The following WHR1 variants were observed in gnomAD, a reference collection of about 807,000 sequenced individuals.
WHR1 encodes the protein MHC class III HLA-RP1.
At chr6:31,971,915 A>G in the WHR1 span, 2 of 1,531,534 alleles carry the variant, frequency 1.3e-6, no homozygotes, top group Non-Finnish European at 1.8e-6. This position sits in a 1 kb window ranked among gnomAD's most constrained non-coding sequence, Gnocchi z 4.5. Flanking sequence ...CGCTCAGATC[A>G]AGAATCCAGT....
chr6:31,975,467 C>T, the WHR1 span, among the ~76,000 whole-genome samples: 3 of 151,952 alleles, frequency 2.0e-5, no homozygotes, highest in African/African-American at 7.3e-5. Flanking sequence ...TCCCAAAGTG[C>T]TGGGATTACA....
chr6:31,973,605 G>A, the WHR1 span, among the ~76,000 whole-genome samples: 1 of 152,160 alleles, frequency 6.6e-6, no homozygotes. Flanking sequence ...TATACATAGG[G>A]TGTATGTATA....
At chr6:31,981,091 G>T in the WHR1 span, 3 of 420,970 alleles carry the variant, frequency 7.1e-6, no homozygotes, top group African/African-American at 2.1e-4. Flanking sequence ...AGTGGGCCGG[G>T]AGGGGACTAG....
At chr6:31,972,343 G>C in the WHR1 span, 1 of 1,613,002 alleles carries the variant, frequency 6.2e-7, no homozygotes, top group Non-Finnish European at 8.5e-7. This position sits in a 1 kb window ranked among gnomAD's most constrained non-coding sequence, Gnocchi z 6.3. Context: ...CTCTGCGCCG[G>C]AAGACCCTAT....
chr6:31,979,769 A>G, the WHR1 span: 1 of 564,532 alleles, frequency 1.8e-6, no homozygotes, highest in Non-Finnish European at 3.0e-6. Flanking sequence ...CTGAAATAGA[A>G]TTCAGTTCTT....
chr6:31,974,444 G>A, the WHR1 span, among the ~76,000 whole-genome samples: 2 of 152,192 alleles, frequency 1.3e-5, no homozygotes, highest in African/African-American at 4.8e-5. Flanking sequence ...TAGGCTGAGT[G>A]TGGTGGCTCA....
At chr6:31,972,424 A>G in the WHR1 span, 23 of 1,613,048 alleles carry the variant, frequency 1.4e-5, no homozygotes, top group South Asian at 2.4e-4. The surrounding 1 kb of genome is among the most constrained non-coding windows in gnomAD (Gnocchi z 6.3). Flanking sequence ...GAGCTGGAAG[A>G]GGCATCACCT....
chr6:31,971,559 G>C, the WHR1 span: 7 of 1,614,148 alleles, frequency 4.3e-6, no homozygotes, highest in Non-Finnish European at 5.9e-6. The surrounding 1 kb of genome is among the most constrained non-coding windows in gnomAD (Gnocchi z 4.5). Flanking sequence ...AGAAAGGAAA[G>C]GGCCCAGAGT....
the WHR1 span, chr6:31,979,652 C>A: frequency 6.7e-7 from 1 of 1,495,302 alleles, no homozygotes; most frequent in Non-Finnish European, 9.0e-7. Flanking sequence ...GTGAACCTGC[C>A]AGAAAAGCTG....
the WHR1 span, chr6:31,979,896 A>G: frequency 4.6e-6 from 1 of 218,430 alleles, no homozygotes; most frequent in Non-Finnish European, 9.0e-6. Context: ...AAACATTCAC[A>G]TTAAAACAAA....
chr6:31,979,107 C>T, the WHR1 span: 1 of 1,154,538 alleles, frequency 8.7e-7, no homozygotes, highest in Non-Finnish European at 1.2e-6. Flanking sequence ...CCTGCCCCCA[C>T]ATCCCATGGA....
the WHR1 span, chr6:31,980,471 T>C: frequency 6.2e-7 from 1 of 1,612,884 alleles, no homozygotes; most frequent in Non-Finnish European, 8.5e-7. Context: ...AATGCTGGAG[T>C]CCTCACCGTC....
chr6:31,975,912 AC>A, the WHR1 span, among the ~76,000 whole-genome samples: 4 of 142,836 alleles, frequency 2.8e-5, no homozygotes, highest in Admixed American at 6.8e-5. Context: ...CGGGGGGCTG[AC>A]CCCCCCACCT....
the WHR1 span, chr6:31,980,141 G>T: frequency 2.7e-6 from 1 of 373,064 alleles, no homozygotes; most frequent in Non-Finnish European, 4.8e-6. Flanking sequence ...TCCTCTCCTC[G>T]GTCCTAAGAC....
the WHR1 span, chr6:31,972,735 G>T: frequency 6.2e-7 from 1 of 1,613,136 alleles, no homozygotes. The surrounding 1 kb of genome is among the most constrained non-coding windows in gnomAD (Gnocchi z 6.3). Flanking sequence ...GTGCCTGACA[G>T]GACCGTGGCC....
At chr6:31,979,436 G>A in the WHR1 span, 165 of 1,612,870 alleles carry the variant, frequency 1.0e-4, no homozygotes, top group East Asian at 4.2e-4. Flanking sequence ...TGTGATGGCC[G>A]ACCGTATGCT....
the WHR1 span, chr6:31,979,128 G>A: frequency 1.9e-5 from 17 of 880,502 alleles, no homozygotes; most frequent in South Asian, 3.2e-5. Flanking sequence ...GAGGGCACAG[G>A]GCCCTGGTAA....
At chr6:31,972,040 G>A in the WHR1 span, 1 of 1,611,384 alleles carries the variant, frequency 6.2e-7, no homozygotes, top group Admixed American at 1.7e-5. The surrounding 1 kb of genome is among the most constrained non-coding windows in gnomAD (Gnocchi z 6.3). Flanking sequence ...ATCATTCAGC[G>A]ACAGTGGCGG....
the WHR1 span, among the ~76,000 whole-genome samples, chr6:31,976,412 C>A: frequency 1.3e-5 from 2 of 149,732 alleles, no homozygotes; most frequent in Admixed American, 6.6e-5. Context: ...GACGGGGTCG[C>A]GGCCGGGCAG....
Sources: gnomAD v4.1 joint callset for allele counts (sites outside exome capture counted in the v4.1 genomes callset) on GRCh38, gnomAD v4.1.1 for gene constraint, Gnocchi (gnomAD v3.1) non-coding constraint, MANE v1.5 for transcripts, NCBI Gene and HGNC (gene_info 2026-07-23, HGNC 2026-07-21) for gene names.